The following PAPPA2 variants were observed in gnomAD, a reference collection of about 807,000 sequenced individuals.
PAPPA2 encodes pappalysin-2.
Under a neutral mutation model 176.4 loss-of-function variants are expected in PAPPA2, and 86 were observed. The observed-to-expected ratio is 0.49, with a 90% CI of 0.41 to 0.58. PAPPA2 has a LOEUF of 0.58. PAPPA2 is among the 20% of genes least tolerant of loss of function. PAPPA2 has a pLI of 0.00. For missense variants in PAPPA2, 2,073 were observed against 2,256.9 expected (o/e 0.92, Z 1.65); for synonymous variants, 809 against 852.2 (o/e 0.95, Z 0.88).
intron 12 of PAPPA2, among the ~76,000 whole-genome samples, chr1:176,739,287 G>A (rs1458873035): frequency 6.6e-6 from 1 of 152,060 alleles, no homozygotes; most frequent in Non-Finnish European, 1.5e-5. Flanking sequence ...CACTGGCTCT[G>A]CAGTCATTTA....
intron 14 of PAPPA2, among the ~76,000 whole-genome samples, chr1:176,764,770 G>A (rs1557856412): frequency 6.6e-6 from 1 of 152,116 alleles, no homozygotes. Context: ...CTAATTGTTT[G>A]TATTTTTAGT....
intron 9 of PAPPA2, 152 bp from the exon 10 acceptor site, chr1:176,706,207 A>G (rs767353509): frequency 3.3e-5 from 20 of 613,870 alleles, no homozygotes; most frequent in Non-Finnish European, 5.4e-5. Context: ...GTTTGTTTCT[A>G]TTTTCTGTAA....
chr1:176,738,041 T>C (rs560004008), intron 12 of PAPPA2, among the ~76,000 whole-genome samples: 1 of 152,140 alleles, frequency 6.6e-6, no homozygotes, highest in African/African-American at 2.4e-5. Context: ...TTGTGGTGTA[T>C]GAAAAGGAAG....
At position 176,556,621 on chromosome 1, in the gene PAPPA2, A is replaced by C; in HGVS notation, c.299A>C (p.Glu100Ala). The C allele has an allele frequency of 6.2e-7, 1 of 1,614,178 alleles. No homozygotes were observed. Among genetic ancestry groups the C allele is most frequent in the Non-Finnish European group, 8.5e-7 (1 of 1,180,032 alleles). Residue 100 changes from glutamate (E) to alanine (A), a missense_variant, in exon 2 of 23, where the codon GAA becomes GCA. Physicochemically the swap from Glu to Ala is moderately radical, Grantham distance 107. Coordinates refer to ENST00000367662, the MANE Select transcript of PAPPA2 (RefSeq NM_020318.3). The part of the protein sequence containing the change: ...HHTGRSKPDT[E>A]GNAVSLVPPD... ...ACAGGACGCAGCAAACCAGACACTG[A>C]AGGAAATGCTGTGAGCCTTGTTCCC... is the stretch of plus-strand genomic sequence containing the variant.
At chr1:176,530,247 A>C (rs1463225783) in intron 1 of PAPPA2, among the ~76,000 whole-genome samples, 1 of 152,236 alleles carries the variant, frequency 6.6e-6, no homozygotes, top group Non-Finnish European at 1.5e-5. Flanking sequence ...AGACAGGTTA[A>C]AACCTCACAT....
chr1:176,572,212 C>T (rs951356556), intron 2 of PAPPA2, among the ~76,000 whole-genome samples: 1 of 152,196 alleles, frequency 6.6e-6, no homozygotes, highest in Non-Finnish European at 1.5e-5. Context: ...CAGAAGAAAA[C>T]ATTTTAGAAG....
intron 6 of PAPPA2, among the ~76,000 whole-genome samples, chr1:176,693,963 A>C (rs1660240932): frequency 6.6e-6 from 1 of 152,224 alleles, no homozygotes; most frequent in Non-Finnish European, 1.5e-5. Context: ...AGCAGACATC[A>C]GTACGGGCGT....
Position 176,765,925 on chromosome 1 carries a change from C to A in PAPPA2, c.4323+88C>A, listed in dbSNP as rs541605228. On this transcript the variant is annotated intron_variant, in intron 15 of 22. Transcript: ENST00000367662. Reference sequence around the variant, plus strand: ...TCTCTCTGGCTCCACAGGGAAAGAGCAGATGTTTTTAAACCATTTGAAAGC... The same window carrying A: ...TCTCTCTGGCTCCACAGGGAAAGAGAAGATGTTTTTAAACCATTTGAAAGC... The A allele has an allele frequency of 6.8e-5, 101 of 1,485,408 alleles. No homozygotes were observed. In the South Asian group the frequency reaches 1.2e-3, roughly 17 times the overall value. 92.0% of individuals were successfully genotyped at this position (1,485,408 alleles called of 1,614,324 possible). A position where few individuals can be genotyped will look rare whatever the true frequency, so the allele number is the denominator to read the frequency against.
intron 1 of PAPPA2, among the ~76,000 whole-genome samples, chr1:176,486,415 A>G (rs1652646688): frequency 6.6e-6 from 1 of 152,216 alleles, no homozygotes; most frequent in Admixed American, 6.5e-5. Flanking sequence ...AGGAGTATAC[A>G]ATCTAGTAAG....
chr1:176,474,432 G>T (rs1232562446), intron 1 of PAPPA2, among the ~76,000 whole-genome samples: 3 of 152,184 alleles, frequency 2.0e-5, no homozygotes, highest in Non-Finnish European at 2.9e-5. Flanking sequence ...CTGCCTAACG[G>T]CAAGAGGGCA....
intron 6 of PAPPA2, 24 bp from the exon 7 acceptor site, chr1:176,695,714 A>G (rs745874652): frequency 6.2e-7 from 1 of 1,613,008 alleles, no homozygotes; most frequent in East Asian, 2.2e-5. Flanking sequence ...CTCATCTCCC[A>G]TCTCCATCCC....
At chr1:176,561,078 A>G (rs1651641819) in intron 2 of PAPPA2, among the ~76,000 whole-genome samples, 1 of 150,614 alleles carries the variant, frequency 6.6e-6, no homozygotes, top group South Asian at 2.1e-4. Flanking sequence ...CTTGTGTAGA[A>G]CTTGGGAGGC....
chr1:176,666,602 TGTGTGTGA>T (rs1174289227), intron 3 of PAPPA2, among the ~76,000 whole-genome samples: 54 of 119,688 alleles, frequency 4.5e-4, no homozygotes, highest in African/African-American at 1.7e-3. Flanking sequence ...TGTGTGTGTG[TGTGTGTGA>T]GAGAGAGAGA....
Position 176,594,730 on chromosome 1 carries a change from A to G in PAPPA2, c.1126A>G (p.Met376Val), listed in dbSNP as rs1340454439. 1.2e-6 allele frequency: 2 copies of G among 1,614,240 alleles called. No individual in the cohort carries two copies. The highest frequency in any genetic ancestry group is 1.1e-5 in the South Asian group (1 of 91,086). ...GGCAGCCACTTACGATGGACGGCAC[A>G]TGGCCCTGTATGTGGATGGCACTCA... ...HVAATYDGRHMALYVDGTQVA... is the reference protein window; with the variant it reads ...HVAATYDGRHVALYVDGTQVA... Residue 376 changes from methionine (M) to valine (V), a missense_variant, in exon 3 of 23, where the codon ATG becomes GTG. Around this residue, in one of 4 missense-constraint regions of PAPPA2, gnomAD observed 1,196 missense variants for 1,330.4 expected, o/e 0.90. Coordinates refer to ENST00000367662, the MANE Select transcript of PAPPA2 (RefSeq NM_020318.3).
intron 14 of PAPPA2, among the ~76,000 whole-genome samples, chr1:176,761,572 A>T (rs1663702556): frequency 6.6e-6 from 1 of 152,198 alleles, no homozygotes; most frequent in South Asian, 2.1e-4. Context: ...TAGATATGCT[A>T]TGTTTTTCCC....
chr1:176,618,452 G>A (rs1655400445), intron 3 of PAPPA2, among the ~76,000 whole-genome samples: 1 of 152,186 alleles, frequency 6.6e-6, no homozygotes, highest in African/African-American at 2.4e-5. Flanking sequence ...AATGAACTGA[G>A]AAATAAGAAA....
At chr1:176,800,417 G>C (rs1423963198) in intron 21 of PAPPA2, among the ~76,000 whole-genome samples, 4 of 152,148 alleles carry the variant, frequency 2.6e-5, no homozygotes, top group African/African-American at 9.7e-5. Flanking sequence ...TTCTGTAACT[G>C]GGCCTTGTTT....
At chr1:176,791,610 G>A (rs1665182996) in intron 19 of PAPPA2, 128 bp downstream of exon 19, 2 of 1,107,100 alleles carry the variant, frequency 1.8e-6, no homozygotes, top group Non-Finnish European at 2.5e-6. Flanking sequence ...CTGGGGTGCA[G>A]TGGCACAGTC....
chr1:176,757,142 T>A (rs1663467747), intron 14 of PAPPA2, among the ~76,000 whole-genome samples: 1 of 152,232 alleles, frequency 6.6e-6, no homozygotes, highest in Non-Finnish European at 1.5e-5. Flanking sequence ...GTCTTTGCTA[T>A]TGTGAATAGT....
Sources: gnomAD v4.1 joint callset for allele counts (sites outside exome capture counted in the v4.1 genomes callset) on GRCh38, gnomAD v4.1.1 for gene constraint, gnomAD v4.1.1 regional missense constraint, MANE v1.5 for transcripts, NCBI Gene and HGNC (gene_info 2026-07-23, HGNC 2026-07-21) for gene names.